Variants in LDLRAD3 observed in about 807,000 individuals in gnomAD.
The protein encoded by LDLRAD3 is low density lipoprotein receptor class A domain containing 3.
LDLRAD3 carries 20 observed loss-of-function variants against 29.4 expected under a neutral mutation model. The observed-to-expected ratio is 0.68, with a 90% CI of 0.48 to 0.99. The LOEUF (loss-of-function observed/expected upper bound fraction) is 0.99, where lower values mean the gene tolerates loss of function less well. Among genes scored for constraint, LDLRAD3 ranks in the 50% least tolerant of loss-of-function variants. The probability of loss-of-function intolerance (pLI) is 0.00; values close to 1 mark genes in which losing one functional copy is unlikely to be tolerated. For missense variants in LDLRAD3, 420 were observed against 454.3 expected, an observed-to-expected ratio of 0.92 and a Z score of 0.69; for synonymous variants, 157 against 192.7, an observed-to-expected ratio of 0.81 and a Z score of 1.53.
chr11:36,138,625 T>G (rs1854036127), intron 4 of LDLRAD3, among the ~76,000 whole-genome samples: 1 of 152,244 alleles, frequency 6.6e-6, no homozygotes, highest in South Asian at 2.1e-4. Context: ...ATCATATTAA[T>G]TAGTATTTAA....
intron 3 of LDLRAD3, among the ~76,000 whole-genome samples, chr11:36,098,090 A>G (rs1853389808): frequency 6.6e-6 from 1 of 152,254 alleles, no homozygotes. Flanking sequence ...AAGCAGACTT[A>G]CTTAACCAGA....
At chr11:36,136,619 C>T (rs561932417) in intron 4 of LDLRAD3, among the ~76,000 whole-genome samples, 39 of 152,152 alleles carry the variant, frequency 2.6e-4, no homozygotes, top group African/African-American at 7.7e-4. Flanking sequence ...GAAAGTTTCC[C>T]GAGGCCCACC....
chr11:35,948,212 CT>C (rs1206483255), intron 1 of LDLRAD3, among the ~76,000 whole-genome samples: 2 of 152,172 alleles, frequency 1.3e-5, no homozygotes, highest in Non-Finnish European at 2.9e-5. Context: ...AAATAAGGTA[CT>C]TTCCACCATG....
intron 4 of LDLRAD3, among the ~76,000 whole-genome samples, chr11:36,161,753 A>G (rs1031356960): frequency 6.6e-6 from 1 of 152,358 alleles, no homozygotes; most frequent in East Asian, 1.9e-4. Flanking sequence ...CACTGTATCA[A>G]CACATCTCCC....
chr11:36,178,728 T>G (rs902688751), intron 4 of LDLRAD3, among the ~76,000 whole-genome samples: 1 of 152,238 alleles, frequency 6.6e-6, no homozygotes, highest in African/African-American at 2.4e-5. Flanking sequence ...GTTTCCATCC[T>G]TCAAGACTCA....
chr11:36,229,588 T>C lies in LDLRAD3; in HGVS notation c.*191T>C. ...TGTTTTTCTGGCGTCTCAGTTGACA[T>C]GATCTGTTGTGCGTCTTTTCTGTCA... is the stretch of plus-strand genomic sequence containing the variant. On this transcript the variant is annotated 3_prime_UTR_variant, in exon 6 of 6. Coordinates refer to ENST00000315571, the MANE Select transcript of LDLRAD3 (RefSeq NM_174902.4). The C allele has an allele frequency of 1.8e-6, 1 of 561,922 alleles. No homozygotes were observed. The highest frequency in any genetic ancestry group is 3.2e-6 in the Non-Finnish European group (1 of 315,590). The allele number at this position is 561,922 out of a possible 1,614,324, so 34.8% of individuals were successfully genotyped here.
chr11:36,079,717 G>A (rs534395060), intron 2 of LDLRAD3, among the ~76,000 whole-genome samples: 7 of 152,322 alleles, frequency 4.6e-5, no homozygotes, highest in South Asian at 2.1e-4. Context: ...TTATAGGGTC[G>A]TGCTAGACTA....
chr11:36,141,025 TCTCTCTCTCTCC>T (rs1444993066), intron 4 of LDLRAD3, among the ~76,000 whole-genome samples: 1 of 145,808 alleles, frequency 6.9e-6, no homozygotes, highest in Non-Finnish European at 1.5e-5. Flanking sequence ...TCTCTCTCTC[TCTCTCTCTCTCC>T]GTGTGGGGGT....
intron 4 of LDLRAD3, among the ~76,000 whole-genome samples, chr11:36,112,487 C>G (rs759587353): frequency 1.6e-4 from 25 of 152,238 alleles, no homozygotes; most frequent in Non-Finnish European, 3.5e-4. Context: ...TCAGCAACTT[C>G]CAGACCGTGC....
At chr11:36,068,135 C>T (rs1852827432) in intron 2 of LDLRAD3, among the ~76,000 whole-genome samples, 1 of 152,176 alleles carries the variant, frequency 6.6e-6, no homozygotes, top group African/African-American at 2.4e-5. Flanking sequence ...AGCCCCCACA[C>T]TTGGTTCTGT....
chr11:35,991,116 G>T (rs1267625360), intron 1 of LDLRAD3, among the ~76,000 whole-genome samples: 1 of 152,180 alleles, frequency 6.6e-6, no homozygotes, highest in African/African-American at 2.4e-5. Context: ...ATTTTCTGTT[G>T]TTTGGTAATG....
chr11:35,958,549 T>C (rs263089), intron 1 of LDLRAD3, among the ~76,000 whole-genome samples: 85,195 of 151,910 alleles, frequency 0.56, 26,398 homozygotes, highest in African/African-American at 0.83. Flanking sequence ...TTGGTGTAGG[T>C]CAATTCTTGA....
chr11:36,170,964 G>C (rs1406626654), intron 4 of LDLRAD3, among the ~76,000 whole-genome samples: 2 of 152,074 alleles, frequency 1.3e-5, no homozygotes, highest in Non-Finnish European at 2.9e-5. Flanking sequence ...ACCATGCCCA[G>C]CTAATTTTTG....
At chr11:36,013,961 C>CA (rs1851988942) in intron 1 of LDLRAD3, among the ~76,000 whole-genome samples, 1 of 151,988 alleles carries the variant, frequency 6.6e-6, no homozygotes, top group Non-Finnish European at 1.5e-5. Context: ...GGCACACCCC[C>CA]TTTTTTTTCC....
At chr11:35,952,935 G>T (rs189523757) in intron 1 of LDLRAD3, among the ~76,000 whole-genome samples, 96 of 152,282 alleles carry the variant, frequency 6.3e-4, no homozygotes, top group Non-Finnish European at 5.4e-4. Flanking sequence ...AAAGAAACTA[G>T]AAATAATTGG....
At chr11:35,983,877 G>A (rs1317554156) in intron 1 of LDLRAD3, among the ~76,000 whole-genome samples, 3 of 152,088 alleles carry the variant, frequency 2.0e-5, no homozygotes, top group Non-Finnish European at 4.4e-5. Flanking sequence ...CGCCTGCCTC[G>A]GCCTCCCAAA....
At chr11:36,099,099 A>G (rs1018574313) in intron 4 of LDLRAD3, among the ~76,000 whole-genome samples, 9 of 151,610 alleles carry the variant, frequency 5.9e-5, no homozygotes, top group African/African-American at 2.2e-4. Context: ...TTTTCCCGTC[A>G]TGTTTGTTTA....
chr11:36,215,251 G>A (rs111594554), intron 4 of LDLRAD3, among the ~76,000 whole-genome samples: 13 of 152,334 alleles, frequency 8.5e-5, no homozygotes, highest in South Asian at 8.3e-4. Context: ...GAGTAGCAAC[G>A]GGGATGAGAT....
At chr11:35,990,507 TC>T (rs1851674616) in intron 1 of LDLRAD3, among the ~76,000 whole-genome samples, 1 of 152,078 alleles carries the variant, frequency 6.6e-6, no homozygotes, top group Admixed American at 6.5e-5. Context: ...CACCTCTGTC[TC>T]CTGGGTTCAA....
Sources: gnomAD v4.1 joint callset for allele counts (sites outside exome capture counted in the v4.1 genomes callset) on GRCh38, gnomAD v4.1.1 for gene constraint, MANE v1.5 for transcripts, NCBI Gene and HGNC (gene_info 2026-07-23, HGNC 2026-07-21) for gene names.